ZCCHC4: variants seen among roughly 807,000 people sequenced by gnomAD.
ZCCHC4 encodes the protein zinc finger CCHC-type containing 4, also known as rRNA N(6)-adenosine-methyltransferase ZCCHC4.
Under a neutral mutation model 67.7 loss-of-function variants are expected in ZCCHC4, and 54 were observed. The observed-to-expected ratio is 0.80, with a 90% CI of 0.64 to 1.00. The LOEUF is 1.00. ZCCHC4 is among the 50% of genes least tolerant of loss of function. The probability of loss-of-function intolerance (pLI) is 0.00; values close to 1 mark genes in which losing one functional copy is unlikely to be tolerated. For missense variants in ZCCHC4, 609 were observed against 617.0 expected, an observed-to-expected ratio of 0.99 and a Z score of 0.14; for synonymous variants, 198 against 213.5, an observed-to-expected ratio of 0.93 and a Z score of 0.63.
In ZCCHC4 at chr4:25,342,725, A is replaced by G. The variant is rs3796779; in HGVS notation, c.687-2823A>G. Among the ~76,000 whole-genome samples, 2,108 of 152,272 alleles carry G rather than the reference A, an allele frequency of 0.014. 91 individuals are homozygous for G. In the East Asian group the frequency reaches 0.15, roughly 11 times the overall value. Reference sequence around the variant, plus strand: ...TGATTGGTTTTGTTTGCCTTATTCAATGGAGAGAATAATTCTTTGTGGCCA... The same window carrying G: ...TGATTGGTTTTGTTTGCCTTATTCAGTGGAGAGAATAATTCTTTGTGGCCA... On this transcript the variant is annotated intron_variant, in intron 5 of 12. Coordinates refer to ENST00000302874, the MANE Select transcript of ZCCHC4 (RefSeq NM_024936.3).
In ZCCHC4 at chr4:25,369,022, T is replaced by A; in HGVS notation, c.1407-7T>A. 6.2e-7 allele frequency: 1 copy of A among 1,603,052 alleles called. No homozygotes were observed. The highest frequency in any genetic ancestry group is 8.5e-7 in the Non-Finnish European group (1 of 1,177,508). On this transcript the variant is annotated splice_polypyrimidine_tract_variant and splice_region_variant and intron_variant, in intron 12 of 12. Coordinates refer to ENST00000302874, the MANE Select transcript of ZCCHC4 (RefSeq NM_024936.3). ...TCTGTGAAATAATTTAGCACCTTGT[T>A]TTCCAGAGCTGTCAGAAAGCAGAAG...
chr4:25,340,485 C>CGCAA (rs1719695937), intron 5 of ZCCHC4, among the ~76,000 whole-genome samples: 1 of 151,954 alleles, frequency 6.6e-6, no homozygotes, highest in Non-Finnish European at 1.5e-5. Flanking sequence ...GGGTGTCTTG[C>CGCAA]GTTTCCATAT....
In ZCCHC4 at chr4:25,361,646, G is replaced by A. The variant is rs903472308; in HGVS notation, c.1012-213G>A. 19 of 509,826 alleles carry A rather than the reference G, an allele frequency of 3.7e-5. 1 individual carries two copies. Among genetic ancestry groups the A allele is most frequent in the South Asian group, 3.7e-4 (12 of 32,724 alleles). The allele number at this position is 509,826 out of a possible 1,614,324, so 31.6% of individuals were successfully genotyped here. A position where few individuals can be genotyped will look rare whatever the true frequency, so the allele number is the denominator to read the frequency against. On this transcript the variant is annotated intron_variant, in intron 8 of 12. Coordinates refer to ENST00000302874, the MANE Select transcript of ZCCHC4 (RefSeq NM_024936.3). ...ATGCCCAGAGAGAAAAAGCCATGTC[G>A]AAACTGTCTATGATCCTTGAGTGTT...
In ZCCHC4 at chr4:25,369,385, A is replaced by C. The variant is rs975617762; in HGVS notation, c.*221A>C. The C allele has an allele frequency of 7.7e-5, 41 of 533,578 alleles. No homozygotes were observed. The highest frequency in any genetic ancestry group is 4.8e-4 in the Middle Eastern group (1 of 2,092). The allele number at this position is 533,578 out of a possible 1,614,324, so 33.1% of individuals were successfully genotyped here. A position where few individuals can be genotyped will look rare whatever the true frequency, so the allele number is the denominator to read the frequency against. ...CAGCCAGTTTACTAGTTCTTTCAGC[A>C]TTCATTTTTCCTCACTTTAAGTCTC... On this transcript the variant is annotated 3_prime_UTR_variant, in exon 13 of 13. Transcript: ENST00000302874.
Position 25,314,167 on chromosome 4 carries a change from A to T in ZCCHC4, c.246+3A>T, listed in dbSNP as rs1054100602. ...TTTTTCAGTGGGAAGATGAAAAGGTATATCAACTTTTTGGATATTTATTTT... is the reference window on the plus strand; with the variant it reads ...TTTTTCAGTGGGAAGATGAAAAGGTTTATCAACTTTTTGGATATTTATTTT... On this transcript the variant is annotated splice_donor_region_variant and intron_variant, in intron 2 of 12. Transcript: ENST00000302874. 2 of 1,557,708 alleles carry T rather than the reference A, an allele frequency of 1.3e-6. No individual in the cohort carries two copies. Among genetic ancestry groups the T allele is most frequent in the African/African-American group, 2.8e-5 (2 of 72,314 alleles).
At chr4:25,368,027 T>A (rs541297047) in intron 12 of ZCCHC4, among the ~76,000 whole-genome samples, 1 of 152,218 alleles carries the variant, frequency 6.6e-6, no homozygotes, top group Non-Finnish European at 1.5e-5. Flanking sequence ...AGTCAAAGAT[T>A]ATGCCCATTC....
chr4:25,349,196 CTT>C (rs1720166971), intron 6 of ZCCHC4, among the ~76,000 whole-genome samples: 2 of 152,124 alleles, frequency 1.3e-5, no homozygotes, highest in Non-Finnish European at 2.9e-5. Context: ...TAATGAGTTT[CTT>C]TTAGGACATT....
chr4:25,328,245 CT>C (rs373152579), intron 3 of ZCCHC4, among the ~76,000 whole-genome samples: 5 of 150,240 alleles, frequency 3.3e-5, no homozygotes, highest in South Asian at 4.2e-4. Context: ...CAGAATCTAT[CT>C]TTTTTTTTTC....
chr4:25,350,424 C>G (rs1720250603), intron 7 of ZCCHC4, among the ~76,000 whole-genome samples: 1 of 151,910 alleles, frequency 6.6e-6, no homozygotes, highest in African/African-American at 2.4e-5. Context: ...CCATGCCCAC[C>G]TAATTTTTTT....
At chr4:25,348,100 G>C (rs1236739075) in intron 6 of ZCCHC4, among the ~76,000 whole-genome samples, 1 of 152,124 alleles carries the variant, frequency 6.6e-6, no homozygotes, top group African/African-American at 2.4e-5. Context: ...TAAGGAGTTT[G>C]AAGATTTCAA....
In ZCCHC4 at chr4:25,365,054, G is replaced by A; in HGVS notation, c.1294G>A (p.Ala432Thr). 6.2e-7 allele frequency: 1 copy of A among 1,614,156 alleles called. No homozygotes were observed. Among genetic ancestry groups the A allele is most frequent in the Non-Finnish European group, 8.5e-7 (1 of 1,180,024 alleles). Reference protein sequence around the residue: ...WIHCSICNHCAVPDHSCEGPK... With the variant: ...WIHCSICNHCTVPDHSCEGPK... ...CCACTGTAGCATCTGCAATCACTGT[G>A]CTGTTCCAGATCATTCTTGTGAGGG... Residue 432 changes from alanine to threonine, a missense_variant, in exon 12 of 13, where the codon GCT becomes ACT. Ala to Thr is a moderately conservative substitution (Grantham distance 58, BLOSUM62 0). Coordinates refer to ENST00000302874, the MANE Select transcript of ZCCHC4 (RefSeq NM_024936.3).
Position 25,345,623 on chromosome 4 carries a change from A to G in ZCCHC4, c.759+3A>G, listed in dbSNP as rs753220522. 8.4e-6 allele frequency: 13 copies of G among 1,551,132 alleles called. 1 individual carries two copies. In the Middle Eastern group the frequency reaches 6.7e-4, roughly 80 times the overall value. On this transcript the variant is annotated splice_donor_region_variant and intron_variant, in intron 6 of 12. Coordinates refer to ENST00000302874, the MANE Select transcript of ZCCHC4 (RefSeq NM_024936.3). ...ACCATCATTTCTTTGATGGAAAGGT[A>G]AGAGCTGTGACCATTATCTCATTGT... is the stretch of plus-strand genomic sequence containing the variant.
chr4:25,342,973 A>G (rs183417486), intron 5 of ZCCHC4, among the ~76,000 whole-genome samples: 115 of 152,258 alleles, frequency 7.6e-4, no homozygotes, highest in African/African-American at 2.8e-3. Flanking sequence ...TGACTGTTGT[A>G]TCTTTGTGAA....
chr4:25,355,383 G>A (rs565539382), intron 8 of ZCCHC4, among the ~76,000 whole-genome samples: 4 of 152,332 alleles, frequency 2.6e-5, no homozygotes, highest in Admixed American at 2.6e-4. Flanking sequence ...TGGAGAATTT[G>A]TTGAGAATAC....
chr4:25,337,406 T>C (rs1165270101), intron 5 of ZCCHC4, among the ~76,000 whole-genome samples: 1 of 152,204 alleles, frequency 6.6e-6, no homozygotes, highest in African/African-American at 2.4e-5. Context: ...GGGACGTTGG[T>C]GGCAGCAGCT....
chr4:25,324,638 C>T (rs1718765302), intron 3 of ZCCHC4, among the ~76,000 whole-genome samples: 1 of 152,156 alleles, frequency 6.6e-6, no homozygotes, highest in Non-Finnish European at 1.5e-5. Context: ...CCAAACTTTT[C>T]CAAAGTGGCT....
chr4:25,318,909 C>CCAGAAGT (rs1251305668), intron 3 of ZCCHC4, among the ~76,000 whole-genome samples: 3 of 151,964 alleles, frequency 2.0e-5, no homozygotes, highest in Non-Finnish European at 4.4e-5. Context: ...GATTGTGTGG[C>CCAGAAGT]CAGAAGTCTC....
At chr4:25,333,578 T>TG in intron 4 of ZCCHC4, 120 bp downstream of exon 4, 1 of 1,124,608 alleles carries the variant, frequency 8.9e-7, no homozygotes, top group Admixed American at 2.4e-5. Context: ...GTATTTAAAA[T>TG]GTAAAGCACA....
chr4:25,363,500 A>G (rs1333158167), intron 10 of ZCCHC4, among the ~76,000 whole-genome samples: 1 of 152,136 alleles, frequency 6.6e-6, no homozygotes, highest in Non-Finnish European at 1.5e-5. Flanking sequence ...TGTTTTGTTT[A>G]TTTTAACTAA....
Sources: allele counts gnomAD v4.1 joint callset (sites outside exome capture counted in the v4.1 genomes callset), GRCh38; gene constraint gnomAD v4.1.1; transcripts MANE v1.5; gene names NCBI Gene and HGNC (gene_info 2026-07-23, HGNC 2026-07-21).